Variants in SEMA6D observed in about 807,000 individuals in gnomAD.
SEMA6D encodes semaphorin 6D.
A neutral mutation model predicts 106.6 loss-of-function variants in SEMA6D; 35 were observed. The ratio of observed to expected loss-of-function variants is 0.33; its 90% CI spans 0.25 to 0.44. The LOEUF is 0.44. SEMA6D is among the 20% of genes least tolerant of loss of function. SEMA6D has a pLI of 1.00. For missense variants in SEMA6D, 1,185 were observed against 1,345.9 expected, an observed-to-expected ratio of 0.88 and a Z score of 1.87; for synonymous variants, 499 against 487.7, an observed-to-expected ratio of 1.02 and a Z score of -0.31.
intron 1 of SEMA6D, among the ~76,000 whole-genome samples, chr15:47,724,650 G>C (rs1010473687): frequency 6.6e-6 from 1 of 152,068 alleles, no homozygotes; most frequent in African/African-American, 2.4e-5. Flanking sequence ...GGTGGGGTGG[G>C]GGTGAGGGTC....
chr15:47,386,027 A>C (rs1007625288), intron 1 of SEMA6D, among the ~76,000 whole-genome samples: 54 of 152,356 alleles, frequency 3.5e-4, no homozygotes, highest in African/African-American at 1.2e-3. Context: ...GATAATGCAT[A>C]CCTCACAGAG....
chr15:47,218,148 A>G (rs1230577392), intron 1 of SEMA6D, among the ~76,000 whole-genome samples: 1 of 152,138 alleles, frequency 6.6e-6, no homozygotes, highest in Non-Finnish European at 1.5e-5. Context: ...TTTCATTGGG[A>G]AAATGAAGGA....
chr15:47,457,640 A>G (rs2042385139), intron 2 of SEMA6D, among the ~76,000 whole-genome samples: 1 of 152,000 alleles, frequency 6.6e-6, no homozygotes, highest in African/African-American at 2.4e-5. Context: ...TCCTTTAGAA[A>G]CTAACCAAAT....
intron 3 of SEMA6D, among the ~76,000 whole-genome samples, chr15:47,548,632 TGA>T (rs1431537688): frequency 1.3e-5 from 2 of 152,162 alleles, no homozygotes; most frequent in Non-Finnish European, 2.9e-5. Flanking sequence ...GGTTGCAGAA[TGA>T]GAGAATCCCC....
In SEMA6D at chr15:47,622,858, A is replaced by T. The variant is rs1052279073; in HGVS notation, c.-55+21962A>T. The stretch of plus-strand genomic sequence containing the variant: ...TTGTAAACTCTCAGAAACTTCTGGC[A>T]TTCTGCAAGAGCAGTTCCAGAAGTC... On this transcript the variant is annotated intron_variant, in intron 4 of 19. Coordinates refer to the SEMA6D transcript ENST00000558014. Among the ~76,000 whole-genome samples, 4 of 152,204 alleles carry T rather than the reference A, an allele frequency of 2.6e-5. No individual in the cohort carries two copies. In the East Asian group the frequency reaches 7.7e-4, roughly 29 times the overall value.
In SEMA6D at chr15:47,765,046, A is replaced by C. The variant is rs754298259; in HGVS notation, c.1417A>C (p.Asn473His). 5 of 1,613,652 alleles carry C rather than the reference A, an allele frequency of 3.1e-6. No individual in the cohort carries two copies. The African/African-American group carries it at 5.3e-5, about 17-fold the overall frequency. The part of the protein sequence containing the change: ...SVLLEEIEAY[N>H]HAKCSAENEE... ...ATTACTGGAAGAGATTGAAGCCTAC[A>C]ACCATGCAAAGTAGGTATATGTTAC... The change falls in exon 13 of 19, where the codon AAC (asparagine) becomes CAC (histidine). Residue 473 changes from asparagine to histidine, a missense_variant. This residue lies in a region of SEMA6D where 750 missense variants were observed against 783.5 expected (regional missense o/e 0.96). Transcript: ENST00000536845.
At chr15:47,621,212 A>G (rs1381543395) in intron 4 of SEMA6D, among the ~76,000 whole-genome samples, 2 of 152,138 alleles carry the variant, frequency 1.3e-5, no homozygotes, top group African/African-American at 4.8e-5. Context: ...GCAGGTGAGA[A>G]CCCCACCAAC....
chr15:47,726,048 C>G (rs184741346), intron 1 of SEMA6D, among the ~76,000 whole-genome samples: 87 of 152,348 alleles, frequency 5.7e-4, no homozygotes, highest in African/African-American at 2.0e-3. Flanking sequence ...AGCAGAGAAC[C>G]TGTTTAGTTT....
At chr15:47,683,078 G>A (rs201333847) in intron 4 of SEMA6D, among the ~76,000 whole-genome samples, 1 of 152,168 alleles carries the variant, frequency 6.6e-6, no homozygotes, top group Non-Finnish European at 1.5e-5. Flanking sequence ...ATTTTTTATA[G>A]ATTTGGGGGT....
intron 3 of SEMA6D, among the ~76,000 whole-genome samples, chr15:47,542,892 G>A (rs369754113): frequency 6.6e-6 from 1 of 152,104 alleles, no homozygotes; most frequent in African/African-American, 2.4e-5. Context: ...CAATGACTGT[G>A]CATCTGTTCA....
chr15:47,212,208 G>A (rs1348925065), intron 1 of SEMA6D, among the ~76,000 whole-genome samples: 3 of 152,170 alleles, frequency 2.0e-5, no homozygotes, highest in Admixed American at 2.0e-4. Flanking sequence ...ACATATGCAA[G>A]GATAATTAAG....
chr15:47,639,145 T>C (rs1332091491), intron 4 of SEMA6D, among the ~76,000 whole-genome samples: 1 of 152,136 alleles, frequency 6.6e-6, no homozygotes, highest in Non-Finnish European at 1.5e-5. Context: ...TTTAAAGGGA[T>C]GACCACCAGT....
chr15:47,434,613 T>A (rs2041645009), intron 2 of SEMA6D, among the ~76,000 whole-genome samples: 1 of 152,148 alleles, frequency 6.6e-6, no homozygotes, highest in Non-Finnish European at 1.5e-5. Flanking sequence ...ATACACTATT[T>A]GATGGAAGCT....
chr15:47,298,499 G>C (rs936027931), intron 1 of SEMA6D, among the ~76,000 whole-genome samples: 1 of 152,162 alleles, frequency 6.6e-6, no homozygotes, highest in South Asian at 2.1e-4. Flanking sequence ...TCCCAGCAGT[G>C]TGACTTAATG....
intron 3 of SEMA6D, among the ~76,000 whole-genome samples, chr15:47,516,940 G>C (rs1451580189): frequency 6.6e-6 from 1 of 152,132 alleles, no homozygotes; most frequent in Non-Finnish European, 1.5e-5. Flanking sequence ...TGCCCAATAA[G>C]AGTTAACACT....
At chr15:47,518,303 T>C (rs1467730955) in intron 3 of SEMA6D, among the ~76,000 whole-genome samples, 1 of 152,214 alleles carries the variant, frequency 6.6e-6, no homozygotes, top group Non-Finnish European at 1.5e-5. Context: ...ATCTAAGTGG[T>C]GAAATACAGG....
intron 4 of SEMA6D, among the ~76,000 whole-genome samples, chr15:47,697,629 C>T (rs1292702919): frequency 6.6e-6 from 1 of 152,080 alleles, no homozygotes; most frequent in Non-Finnish European, 1.5e-5. Context: ...CCTTTTAGCC[C>T]ATTGTTTGAT....
At chr15:47,505,048 A>T (rs114169717) in intron 3 of SEMA6D, among the ~76,000 whole-genome samples, 1,707 of 152,240 alleles carry the variant, frequency 0.011, 32 homozygotes, top group African/African-American at 0.04. Context: ...ACAGTGGCTC[A>T]GTGTGGCTGT....
intron 1 of SEMA6D, among the ~76,000 whole-genome samples, chr15:47,236,420 G>A (rs956082147): frequency 6.6e-6 from 1 of 152,034 alleles, no homozygotes; most frequent in Non-Finnish European, 1.5e-5. Flanking sequence ...TTAATATTAT[G>A]ACTCATAGCA....
Sources: allele counts gnomAD v4.1 joint callset (sites outside exome capture counted in the v4.1 genomes callset), GRCh38; gene constraint gnomAD v4.1.1; regional missense constraint gnomAD v4.1.1; transcripts MANE v1.5; gene names NCBI Gene and HGNC (gene_info 2026-07-23, HGNC 2026-07-21).